PLCXD3: variants seen among roughly 807,000 people sequenced by gnomAD.
PLCXD3 encodes the protein phosphatidylinositol specific phospholipase C X domain containing 3, also known as PI-PLC X domain-containing protein 3.
A neutral mutation model predicts 25.5 loss-of-function variants in PLCXD3; 19 were observed. The observed-to-expected ratio is 0.75, with a 90% CI of 0.52 to 1.09. The LOEUF (loss-of-function observed/expected upper bound fraction) is 1.09. Among genes scored for constraint, PLCXD3 ranks in the 50% least tolerant of loss-of-function variants. PLCXD3 has a pLI of 0.00. For missense variants in PLCXD3, 411 were observed against 388.1 expected (o/e 1.06, Z -0.50); for synonymous variants, 174 against 137.6 (o/e 1.26, Z -1.85).
chr5:41,466,546 C>T (rs941900498), intron 1 of PLCXD3, among the ~76,000 whole-genome samples: 6 of 152,010 alleles, frequency 3.9e-5, no homozygotes, highest in Non-Finnish European at 7.4e-5. Context: ...ATCATTTCTA[C>T]GGTGAGACAT....
chr5:41,363,848 G>C (rs1281888692), intron 2 of PLCXD3, among the ~76,000 whole-genome samples: 1 of 152,172 alleles, frequency 6.6e-6, no homozygotes, highest in Non-Finnish European at 1.5e-5. Context: ...TAATATGCAG[G>C]TGTCAGTAGA....
At chr5:41,509,891 C>T (rs1437077609) in intron 1 of PLCXD3, among the ~76,000 whole-genome samples, 1 of 152,230 alleles carries the variant, frequency 6.6e-6, no homozygotes, top group African/African-American at 2.4e-5. Context: ...CCTGAACTTT[C>T]ATCACTCTTC....
intron 1 of PLCXD3, among the ~76,000 whole-genome samples, chr5:41,492,252 G>T (rs1295010995): frequency 2.4e-4 from 36 of 152,208 alleles, no homozygotes; most frequent in African/African-American, 8.4e-4. Context: ...TAAGAATGTT[G>T]AATATTGGCC....
At position 41,310,516 on chromosome 5, in the gene PLCXD3, A is replaced by G. The variant is rs1214350125; in HGVS notation, c.*3101T>C. On this transcript the variant is annotated 3_prime_UTR_variant, in exon 3 of 3. Coordinates refer to ENST00000377801, the MANE Select transcript of PLCXD3 (RefSeq NM_001005473.3). ...GGCGCCCATGTGTAGCCCTTGTGCT[A>G]CAAGCTCTCTGAAAAGACAATGCCC... 7 of 152,468 alleles carry G rather than the reference A, an allele frequency of 4.6e-5. No homozygotes were observed. The highest frequency in any genetic ancestry group is 1.7e-4 in the African/African-American group (7 of 41,426). The allele number at this position is 152,468 out of a possible 1,614,324, so 9.4% of individuals were successfully genotyped here.
chr5:41,430,344 C>T (rs958010662), intron 1 of PLCXD3, among the ~76,000 whole-genome samples: 1 of 151,908 alleles, frequency 6.6e-6, no homozygotes, highest in Admixed American at 6.6e-5. Context: ...TGCTTGGAAC[C>T]CTGATAGGGT....
At chr5:41,350,333 T>C (rs1744422183) in intron 2 of PLCXD3, among the ~76,000 whole-genome samples, 1 of 152,218 alleles carries the variant, frequency 6.6e-6, no homozygotes, top group Non-Finnish European at 1.5e-5. Flanking sequence ...ACCCCATGTC[T>C]ACTATACTCT....
chr5:41,373,852 T>C lies in PLCXD3; in HGVS notation c.812+7974A>G, dbSNP rs141661302. On this transcript the variant is annotated intron_variant, in intron 2 of 2. Transcript: ENST00000377801. Reference sequence around the variant, plus strand: ...TTTTTAGCCCAGGGTAACAAATAATTTCTCACCAAAGGTGAGAAATTGTTT... The same window carrying C: ...TTTTTAGCCCAGGGTAACAAATAATCTCTCACCAAAGGTGAGAAATTGTTT... 3.5e-3 allele frequency among the ~76,000 whole-genome samples: 527 copies of C among 152,174 alleles called. 2 individuals carry two copies. The highest frequency in any genetic ancestry group is 0.012 in the African/African-American group (498 of 41,536).
intron 1 of PLCXD3, among the ~76,000 whole-genome samples, chr5:41,504,557 C>A (rs1165358433): frequency 1.3e-5 from 2 of 152,204 alleles, no homozygotes; most frequent in African/African-American, 2.4e-5. Context: ...GGTGACCAAG[C>A]TCTGGGAGCC....
chr5:41,479,984 C>A (rs10941542), intron 1 of PLCXD3, among the ~76,000 whole-genome samples: 26,094 of 151,948 alleles, frequency 0.17, 2,698 homozygotes, highest in South Asian at 0.24. Context: ...GAATTTATTT[C>A]TTTCATTTAA....
intron 1 of PLCXD3, among the ~76,000 whole-genome samples, chr5:41,440,092 A>T (rs1747344385): frequency 6.6e-6 from 1 of 152,048 alleles, no homozygotes; most frequent in South Asian, 2.1e-4. Flanking sequence ...AGAGTAGTTG[A>T]GTATAGTGAA....
At chr5:41,453,375 C>A (rs762376035) in intron 1 of PLCXD3, among the ~76,000 whole-genome samples, 27 of 150,384 alleles carry the variant, frequency 1.8e-4, no homozygotes, top group Non-Finnish European at 3.4e-4. Flanking sequence ...TTTTAATGAC[C>A]GCATGGCAAT....
At chr5:41,487,410 C>A (rs1205459693) in intron 1 of PLCXD3, among the ~76,000 whole-genome samples, 1 of 152,140 alleles carries the variant, frequency 6.6e-6, no homozygotes, top group African/African-American at 2.4e-5. Context: ...AGGGCAGAGT[C>A]TTTCTATGCT....
chr5:41,491,218 GT>G (rs1413531469), intron 1 of PLCXD3, among the ~76,000 whole-genome samples: 1 of 152,186 alleles, frequency 6.6e-6, no homozygotes, highest in African/African-American at 2.4e-5. Context: ...GGAGCAGGTT[GT>G]TCAGTTTCCA....
chr5:41,327,467 C>G (rs549069205), intron 2 of PLCXD3, among the ~76,000 whole-genome samples: 2 of 152,276 alleles, frequency 1.3e-5, no homozygotes, highest in Admixed American at 1.3e-4. Context: ...ATTTTCTTCA[C>G]CTATAAATAA....
At chr5:41,327,809 A>AT (rs547776423) in intron 2 of PLCXD3, among the ~76,000 whole-genome samples, 4 of 151,928 alleles carry the variant, frequency 2.6e-5, no homozygotes, top group Admixed American at 2.0e-4. Flanking sequence ...TAGATGTTGG[A>AT]TTTTTTCTTT....
chr5:41,367,688 T>C (rs937477882), intron 2 of PLCXD3, among the ~76,000 whole-genome samples: 9 of 152,220 alleles, frequency 5.9e-5, no homozygotes, highest in Admixed American at 5.9e-4. Context: ...CAACTGATTT[T>C]TGCATCTTCA....
intron 1 of PLCXD3, among the ~76,000 whole-genome samples, chr5:41,430,017 G>C (rs1472235802): frequency 2.0e-5 from 3 of 152,102 alleles, no homozygotes; most frequent in South Asian, 4.2e-4. Flanking sequence ...AGTTACCAAG[G>C]CATCTCCCAA....
chr5:41,510,591 G>T lies in PLCXD3; in HGVS notation c.-65C>A, dbSNP rs532698711. On this transcript the variant is annotated 5_prime_UTR_variant, in exon 1 of 3. Transcript: ENST00000377801. ...TCGGGCAGGCTGGCAGGCTGCTGCC[G>T]CTAATCCAATGTTTGCTCTAGCCCC... The T allele has an allele frequency of 2.3e-6, 3 of 1,302,226 alleles. No individual in the cohort carries two copies. Among genetic ancestry groups the T allele is most frequent in the East Asian group, 2.4e-5 (1 of 41,040 alleles). 80.7% of individuals were successfully genotyped at this position (1,302,226 alleles called of 1,614,324 possible).
intron 1 of PLCXD3, among the ~76,000 whole-genome samples, chr5:41,473,915 G>A (rs1748226670): frequency 6.6e-6 from 1 of 152,090 alleles, no homozygotes; most frequent in Non-Finnish European, 1.5e-5. Flanking sequence ...AAATTTATGA[G>A]AGGCCCCTTC....
Sources: allele counts gnomAD v4.1 joint callset (sites outside exome capture counted in the v4.1 genomes callset), GRCh38; gene constraint gnomAD v4.1.1; transcripts MANE v1.5; gene names NCBI Gene and HGNC (gene_info 2026-07-23, HGNC 2026-07-21).